PLOD1: variants seen among roughly 807,000 people sequenced by gnomAD.
The protein encoded by PLOD1 is procollagen-lysine,2-oxoglutarate 5-dioxygenase 1.
Under a neutral mutation model 94.7 loss-of-function variants are expected in PLOD1, and 70 were observed. The observed-to-expected ratio is 0.74, with a 90% CI of 0.61 to 0.90. The LOEUF is 0.90. Ranked by LOEUF, PLOD1 falls within the 40% of genes least tolerant of loss-of-function variation. PLOD1 has a pLI of 0.00. For missense variants in PLOD1, 905 were observed against 972.7 expected, an observed-to-expected ratio of 0.93 and a Z score of 0.93; for synonymous variants, 417 against 400.2, an observed-to-expected ratio of 1.04 and a Z score of -0.50.
Position 11,974,802 on chromosome 1 carries a change from T to A in PLOD1, c.2178T>A (p.Asp726Glu), listed in dbSNP as rs951107031. 6.2e-7 allele frequency: 1 copy of A among 1,613,970 alleles called. No individual in the cohort carries two copies. The highest frequency in any genetic ancestry group is 1.7e-5 in the Admixed American group (1 of 60,000). ...GCTACATCGCAGTCTCCTTCGTCGA[T>A]CCCTAATTGGCCAGGCCTGACCCTC... ...GTRYIAVSFV[D>E]P is the part of the protein sequence containing the mutation. The change falls in exon 19 of 19, where the codon GAT (aspartate) becomes GAA (glutamate). Residue 726 changes from aspartate to glutamate, a missense_variant. By Grantham distance (45) the Asp-to-Glu change is conservative. Coordinates refer to ENST00000196061, the MANE Select transcript of PLOD1 (RefSeq NM_000302.4).
chr1:11,953,134 C>T (rs1216273442), intron 5 of PLOD1, among the ~76,000 whole-genome samples: 2 of 152,238 alleles, frequency 1.3e-5, no homozygotes, highest in East Asian at 1.9e-4. Context: ...CGGCTCACTA[C>T]AGCCTCTACC....
At chr1:11,953,724 G>A (rs1298206413) in intron 5 of PLOD1, among the ~76,000 whole-genome samples, 7 of 151,568 alleles carry the variant, frequency 4.6e-5, no homozygotes, top group South Asian at 2.1e-4. Context: ...CCTGGGAGGC[G>A]GAGGTTGCAG....
intron 2 of PLOD1, among the ~76,000 whole-genome samples, chr1:11,948,681 G>T (rs1185486384): frequency 6.6e-6 from 1 of 151,992 alleles, no homozygotes; most frequent in Non-Finnish European, 1.5e-5. Flanking sequence ...AGTGAGCCGA[G>T]GTGGCGTCAC....
At position 11,962,763 on chromosome 1, in the gene PLOD1, G is replaced by T. The variant is rs761059147; in HGVS notation, c.1098-769G>T. ...CATCTCTAAAAAAGGAAAAAAGGCC[G>T]GGTGCAGTGGCTCGCATCTGTAATC... On this transcript the variant is annotated intron_variant, in intron 10 of 18. Coordinates refer to ENST00000196061, the MANE Select transcript of PLOD1 (RefSeq NM_000302.4). 2.0e-5 allele frequency among the ~76,000 whole-genome samples: 3 copies of T among 151,762 alleles called. No individual in the cohort carries two copies. The East Asian group carries it at 5.8e-4, about 29-fold the overall frequency.
chr1:11,948,791 C>G (rs1645675870), intron 2 of PLOD1, among the ~76,000 whole-genome samples: 1 of 152,014 alleles, frequency 6.6e-6, no homozygotes, highest in African/African-American at 2.4e-5. Context: ...CGACCACTGG[C>G]ATGGGCTTGG....
At chr1:11,943,236 C>T (rs1264357670) in intron 1 of PLOD1, among the ~76,000 whole-genome samples, 1 of 151,816 alleles carries the variant, frequency 6.6e-6, no homozygotes, top group Non-Finnish European at 1.5e-5. Flanking sequence ...GATCCACCTG[C>T]CTTGGCCTCC....
At chr1:11,951,763 C>T (rs1645704318) in intron 4 of PLOD1, among the ~76,000 whole-genome samples, 1 of 150,094 alleles carries the variant, frequency 6.7e-6, no homozygotes, top group African/African-American at 2.5e-5. Flanking sequence ...ACTAAAAATA[C>T]AAAAAATTAG....
intron 13 of PLOD1, 125 bp from the exon 14 acceptor site, chr1:11,965,355 A>G (rs898906678): frequency 1.6e-4 from 106 of 666,378 alleles, no homozygotes; most frequent in Middle Eastern, 1.1e-3. Flanking sequence ...GGTCTCTGAT[A>G]TTGGGAACTT....
intron 1 of PLOD1, among the ~76,000 whole-genome samples, chr1:11,936,466 C>T (rs1377556293): frequency 1.3e-5 from 2 of 151,678 alleles, no homozygotes; most frequent in African/African-American, 4.8e-5. Flanking sequence ...ACTGTATCAC[C>T]AGAAGGATCC....
At chr1:11,938,189 G>T (rs993073066) in intron 1 of PLOD1, among the ~76,000 whole-genome samples, 1 of 152,010 alleles carries the variant, frequency 6.6e-6, no homozygotes. Flanking sequence ...GACCTCAAGC[G>T]ATTTGCCCAC....
chr1:11,961,948 C>T (rs1222756174), intron 10 of PLOD1, among the ~76,000 whole-genome samples: 1 of 152,176 alleles, frequency 6.6e-6, no homozygotes, highest in Non-Finnish European at 1.5e-5. Context: ...GCCACCACAC[C>T]TGGCTAATTT....
At chr1:11,942,297 G>A (rs979751983) in intron 1 of PLOD1, among the ~76,000 whole-genome samples, 4 of 152,162 alleles carry the variant, frequency 2.6e-5, no homozygotes, top group South Asian at 2.1e-4. Flanking sequence ...CAGGCCTCAC[G>A]TAGCTGCTTA....
At chr1:11,949,662 C>G (rs1645683515) in intron 2 of PLOD1, 111 bp from the exon 3 acceptor site, 8 of 1,078,746 alleles carry the variant, frequency 7.4e-6, no homozygotes, top group Non-Finnish European at 9.7e-6. Flanking sequence ...TCAGGTGGTC[C>G]ACACGTCTCG....
Position 11,958,562 on chromosome 1 carries a change from C to G in PLOD1, c.890C>G (p.Pro297Arg). 1 of 1,613,950 alleles carries G rather than the reference C, an allele frequency of 6.2e-7. No individual in the cohort carries two copies. Among genetic ancestry groups the G allele is most frequent in the Non-Finnish European group, 8.5e-7 (1 of 1,179,892 alleles). ...CTGGTCGGCGTGTTCATCGAACAGC[C>G]CACGCCGTTTGTGTCCCTGTTCTTC... ...TVLVGVFIEQ[P>R]TPFVSLFFQR... The change falls in exon 9 of 19, where the codon CCC (proline) becomes CGC (arginine). Residue 297 changes from proline (P) to arginine (R), a missense_variant. Pro to Arg is a moderately radical substitution (Grantham distance 103). Coordinates refer to ENST00000196061, the MANE Select transcript of PLOD1 (RefSeq NM_000302.4). This position sits in a 1 kb window ranked among gnomAD's most constrained non-coding sequence, Gnocchi z 4.3.
At chr1:11,940,833 G>C (rs1481083448) in intron 1 of PLOD1, among the ~76,000 whole-genome samples, 1 of 152,186 alleles carries the variant, frequency 6.6e-6, no homozygotes, top group Non-Finnish European at 1.5e-5. Flanking sequence ...CTCTGGCCTG[G>C]CCTAACAGTG....
chr1:11,967,032 T>C lies in PLOD1; in HGVS notation c.1696T>C (p.Cys566Arg). The C allele has an allele frequency of 6.2e-7, 1 of 1,614,012 alleles. No individual in the cohort carries two copies. Among genetic ancestry groups the C allele is most frequent in the Non-Finnish European group, 8.5e-7 (1 of 1,179,862 alleles). Reference protein sequence around the residue: ...YWFPIFTEVACDELVEEMEHF... With the variant: ...YWFPIFTEVARDELVEEMEHF... ...GTTCCCCATCTTCACGGAGGTGGCC[T>C]GTGATGAGCTGGTGGAGGAGATGGA... The change falls in exon 16 of 19, where the codon TGT (cysteine) becomes CGT (arginine). Residue 566 changes from cysteine (C) to arginine (R), a missense_variant. Cys to Arg is a radical substitution (Grantham distance 180). Coordinates refer to ENST00000196061, the MANE Select transcript of PLOD1 (RefSeq NM_000302.4).
chr1:11,940,435 G>T (rs550736402), intron 1 of PLOD1, among the ~76,000 whole-genome samples: 1 of 152,100 alleles, frequency 6.6e-6, no homozygotes, highest in Admixed American at 6.6e-5. Context: ...GAACCCCCCC[G>T]CAGCTACCAA....
In PLOD1 at chr1:11,963,595, G is replaced by A; in HGVS notation, c.1161G>A (p.Leu387=). ...YYFSVDADVA[L]TEPNSLRLLI... Reference sequence around the variant, plus strand: ...TCAGCGTGGATGCTGACGTGGCCCTGACCGAGCCCAACAGCCTGCGGCTGC... The same window carrying A: ...TCAGCGTGGATGCTGACGTGGCCCTAACCGAGCCCAACAGCCTGCGGCTGC... The change falls in exon 11 of 19, where the codon CTG becomes CTA. Residue 387 remains leucine, a synonymous_variant. Coordinates refer to ENST00000196061, the MANE Select transcript of PLOD1 (RefSeq NM_000302.4). This position sits in a 1 kb window ranked among gnomAD's most constrained non-coding sequence, Gnocchi z 4.3. 1 of 1,603,486 alleles carries A rather than the reference G, an allele frequency of 6.2e-7. No individual in the cohort carries two copies. Among genetic ancestry groups the A allele is most frequent in the Non-Finnish European group, 8.5e-7 (1 of 1,175,820 alleles).
At chr1:11,966,338 T>G in intron 15 of PLOD1, 22 bp downstream of exon 15, 1 of 1,580,998 alleles carries the variant, frequency 6.3e-7, no homozygotes, top group Non-Finnish European at 8.6e-7. Context: ...GGACACCCTC[T>G]TGGACCAGCC....
Sources: allele counts gnomAD v4.1 joint callset (sites outside exome capture counted in the v4.1 genomes callset), GRCh38; gene constraint gnomAD v4.1.1; non-coding constraint Gnocchi (gnomAD v3.1); transcripts MANE v1.5; gene names NCBI Gene and HGNC (gene_info 2026-07-23, HGNC 2026-07-21).